The following EYS variants were observed in gnomAD, a reference collection of about 807,000 sequenced individuals.
The protein encoded by EYS is EGF-like photoreceptor maintenance factor, also known as protein eyes shut homolog.
In EYS, 250 loss-of-function variants were observed where a neutral mutation model predicts 282.1. The observed-to-expected ratio is 0.89, with a 90% CI of 0.80 to 0.98. The LOEUF (loss-of-function observed/expected upper bound fraction) is 0.98, where lower values mean the gene tolerates loss of function less well. Ranked by LOEUF, EYS falls within the 50% of genes least tolerant of loss-of-function variation. EYS has a pLI of 0.00. For missense variants in EYS, 4,016 were observed against 3,709.0 expected (o/e 1.08, Z -2.15); for synonymous variants, 1,355 against 1,282.9 (o/e 1.06, Z -1.20).
At chr6:63,908,968 A>AT (rs76617807) in intron 35 of EYS, among the ~76,000 whole-genome samples, 1,624 of 148,620 alleles carry the variant, frequency 0.011, 25 homozygotes, top group African/African-American at 0.037. Context: ...ATTGAAGGCT[A>AT]TTTTTTTTTT....
In EYS at chr6:65,056,705, T is replaced by C. The variant is rs148021523; in HGVS notation, c.2137+909A>G. Among the ~76,000 whole-genome samples the C allele has an allele frequency of 5.9e-4, 90 of 152,256 alleles. No homozygotes were observed. In the East Asian group the frequency reaches 0.016, roughly 28 times the overall value. Reference sequence around the variant, plus strand: ...AATTGATATCCCACCTGCCCAAGCATGATAAAATAGTGTCTATTATATAAA... The same window carrying C: ...AATTGATATCCCACCTGCCCAAGCACGATAAAATAGTGTCTATTATATAAA... On this transcript the variant is annotated intron_variant, in intron 13 of 42. Coordinates refer to ENST00000503581, the MANE Select transcript of EYS (RefSeq NM_001142800.2).
At chr6:65,579,499 A>G (rs1419827058) in intron 2 of EYS, among the ~76,000 whole-genome samples, 2 of 152,108 alleles carry the variant, frequency 1.3e-5, no homozygotes, top group Non-Finnish European at 2.9e-5. Flanking sequence ...CAACAGAAAT[A>G]CATTTTCTCA....
intron 19 of EYS, among the ~76,000 whole-genome samples, chr6:64,842,096 C>T (rs1765579785): frequency 6.6e-6 from 1 of 151,952 alleles, no homozygotes; most frequent in Non-Finnish European, 1.5e-5. Context: ...ATCTGTTACT[C>T]TCTATCAGTA....
At chr6:64,874,752 A>AT (rs1446109052) in intron 19 of EYS, among the ~76,000 whole-genome samples, 1 of 152,110 alleles carries the variant, frequency 6.6e-6, no homozygotes, top group African/African-American at 2.4e-5. Flanking sequence ...AAAGCTGGTG[A>AT]TTAGAATATT....
At chr6:64,797,827 G>C (rs888063230) in intron 22 of EYS, among the ~76,000 whole-genome samples, 1 of 151,784 alleles carries the variant, frequency 6.6e-6, no homozygotes, top group Non-Finnish European at 1.5e-5. Flanking sequence ...CAATATACCC[G>C]TGAGATCTCT....
At chr6:65,014,660 C>G (rs144879762) in intron 13 of EYS, among the ~76,000 whole-genome samples, 3 of 152,168 alleles carry the variant, frequency 2.0e-5, no homozygotes, top group Non-Finnish European at 4.4e-5. Context: ...GAAGGAGATG[C>G]ATTACCACAT....
intron 1 of EYS, among the ~76,000 whole-genome samples, chr6:65,665,593 T>C (rs887380334): frequency 6.6e-6 from 1 of 152,076 alleles, no homozygotes; most frequent in African/African-American, 2.4e-5. Context: ...TAATATGAAA[T>C]TGTGGATATT....
chr6:63,879,117 T>C (rs1029631152), intron 35 of EYS, among the ~76,000 whole-genome samples: 1 of 152,078 alleles, frequency 6.6e-6, no homozygotes, highest in Non-Finnish European at 1.5e-5. Context: ...GGGAGAAAAA[T>C]ATCTAACTTG....
intron 42 of EYS, 106 bp from the exon 43 acceptor site, chr6:63,721,903 A>G (rs980695759): frequency 1.6e-5 from 16 of 1,008,324 alleles, no homozygotes; most frequent in Non-Finnish European, 2.1e-5. Flanking sequence ...TGGGGAAAAA[A>G]GTAACAGATC....
intron 32 of EYS, among the ~76,000 whole-genome samples, chr6:64,070,325 C>G (rs559545024): frequency 8.3e-4 from 126 of 152,138 alleles, no homozygotes; most frequent in African/African-American, 2.9e-3. Context: ...GCAGAGTTTT[C>G]AGATATGACA....
intron 2 of EYS, among the ~76,000 whole-genome samples, chr6:65,633,736 T>C (rs1766998354): frequency 6.6e-6 from 1 of 152,222 alleles, no homozygotes; most frequent in Non-Finnish European, 1.5e-5. Context: ...CTCACACTTT[T>C]ATAGAGCAGA....
At chr6:64,857,150 T>C (rs1766088957) in intron 19 of EYS, among the ~76,000 whole-genome samples, 1 of 152,178 alleles carries the variant, frequency 6.6e-6, no homozygotes, top group South Asian at 2.1e-4. Flanking sequence ...CTTCCAACAA[T>C]ACCATAATAA....
intron 39 of EYS, among the ~76,000 whole-genome samples, chr6:63,783,979 A>T (rs1199524014): frequency 6.6e-6 from 1 of 152,192 alleles, no homozygotes; most frequent in Non-Finnish European, 1.5e-5. Context: ...TCAATCACTG[A>T]AGACCTAAAT....
At chr6:65,114,416 A>G (rs1042275302) in intron 12 of EYS, among the ~76,000 whole-genome samples, 3 of 150,474 alleles carry the variant, frequency 2.0e-5, no homozygotes, top group Non-Finnish European at 4.4e-5. Flanking sequence ...TTGAACTGAA[A>G]TCCTGGCATT....
intron 35 of EYS, among the ~76,000 whole-genome samples, chr6:63,952,729 C>T (rs540837948): frequency 2.6e-5 from 4 of 152,280 alleles, no homozygotes; most frequent in African/African-American, 9.6e-5. Context: ...CAGTTCAAAG[C>T]CTCCTTCACA....
In EYS at chr6:64,388,839, GC is replaced by G; in HGVS notation, c.5928del (p.Arg1976SerfsTer11). 6.7e-7 allele frequency: 1 copy of G among 1,486,356 alleles called. No homozygotes were observed. Among genetic ancestry groups the G allele is most frequent in the Non-Finnish European group, 8.9e-7 (1 of 1,118,098 alleles). The allele number at this position is 1,486,356 out of a possible 1,614,324, so 92.1% of individuals were successfully genotyped here. On this transcript the variant is annotated frameshift_variant and splice_region_variant, in exon 29 of 43. Coordinates refer to ENST00000503581, the MANE Select transcript of EYS (RefSeq NM_001142800.2). LOFTEE classifies it high-confidence loss of function. Reference sequence around the variant, plus strand: ...TCAGCGTTACATGGATCCAATTCTTGCCTGTAACCATTTAAGAAAGAAATGG... The same window carrying G: ...TCAGCGTTACATGGATCCAATTCTTGCTGTAACCATTTAAGAAAGAAATGG... ...DNGQKYTLLI[R>X]QELDPCNAEL...
chr6:64,727,953 C>T (rs1771815270), intron 22 of EYS, among the ~76,000 whole-genome samples: 2 of 152,194 alleles, frequency 1.3e-5, no homozygotes, highest in African/African-American at 4.8e-5. Flanking sequence ...ACAATTGAAA[C>T]CACTACTGAA....
At chr6:65,378,360 A>G (rs943550073) in intron 8 of EYS, among the ~76,000 whole-genome samples, 1 of 152,048 alleles carries the variant, frequency 6.6e-6, no homozygotes, top group African/African-American at 2.4e-5. Flanking sequence ...AGTTATAATG[A>G]CGATCATTAA....
chr6:65,109,722 T>G (rs1056237955), intron 12 of EYS, among the ~76,000 whole-genome samples: 1 of 151,990 alleles, frequency 6.6e-6, no homozygotes, highest in Non-Finnish European at 1.5e-5. Flanking sequence ...CTGCTTGTAC[T>G]GTCCTTAGAC....
Sources: allele counts gnomAD v4.1 joint callset (sites outside exome capture counted in the v4.1 genomes callset), GRCh38; gene constraint gnomAD v4.1.1; transcripts MANE v1.5; gene names NCBI Gene and HGNC (gene_info 2026-07-23, HGNC 2026-07-21).